Variants in RYR3 observed in about 807,000 individuals in gnomAD.
The protein encoded by RYR3 is ryanodine receptor 3.
In RYR3, 207 loss-of-function variants were observed where a neutral mutation model predicts 584.3. The ratio of observed to expected loss-of-function variants is 0.35; its 90% confidence interval spans 0.32 to 0.40. The LOEUF is 0.40. Ranked by LOEUF, RYR3 falls within the 10% of genes least tolerant of loss-of-function variation. RYR3 has a pLI of 1.00. For missense variants in RYR3, 5,616 were observed against 6,089.2 expected (o/e 0.92, Z 2.59); for synonymous variants, 2,416 against 2,248.5 (o/e 1.07, Z -2.11).
intron 38 of RYR3, among the ~76,000 whole-genome samples, chr15:33,686,010 C>A (rs1387202122): frequency 6.6e-6 from 1 of 151,484 alleles, no homozygotes; most frequent in African/African-American, 2.4e-5. Context: ...AAAATCAACA[C>A]CCTAACATCA....
intron 1 of RYR3, among the ~76,000 whole-genome samples, chr15:33,356,124 G>C (rs80243597): frequency 1.3e-5 from 2 of 152,150 alleles, no homozygotes; most frequent in South Asian, 2.1e-4. Flanking sequence ...ATGAATCTAA[G>C]TGAAGGAGCA....
At chr15:33,733,234 C>G (rs1479581899) in intron 48 of RYR3, among the ~76,000 whole-genome samples, 1 of 152,224 alleles carries the variant, frequency 6.6e-6, no homozygotes, top group African/African-American at 2.4e-5. Context: ...ATTCAACTAT[C>G]TTACTCCTTG....
chr15:33,377,156 A>G (rs1158672933), intron 1 of RYR3, among the ~76,000 whole-genome samples: 1 of 152,250 alleles, frequency 6.6e-6, no homozygotes, highest in Admixed American at 6.5e-5. Flanking sequence ...TAAATTGGGT[A>G]TTATAGGCTC....
At chr15:33,823,762 G>A (rs143256890) in intron 81 of RYR3, among the ~76,000 whole-genome samples, 43 of 152,302 alleles carry the variant, frequency 2.8e-4, no homozygotes, top group African/African-American at 1.0e-3. Flanking sequence ...TCTAAGAAAA[G>A]TGTCAGCTTA....
intron 9 of RYR3, among the ~76,000 whole-genome samples, 170 bp downstream of exon 9, chr15:33,548,374 A>G (rs902782403): frequency 7.2e-5 from 11 of 152,232 alleles, no homozygotes; most frequent in African/African-American, 2.7e-4. Context: ...ACACACACAC[A>G]CACAATCTCC....
At chr15:33,751,702 T>C (rs2071334016) in intron 57 of RYR3, among the ~76,000 whole-genome samples, 1 of 152,194 alleles carries the variant, frequency 6.6e-6, no homozygotes, top group Admixed American at 6.5e-5. Context: ...CTGATGGTAG[T>C]TTCTTTTGCT....
chr15:33,678,144 G>T (rs2064313368), intron 38 of RYR3, among the ~76,000 whole-genome samples: 1 of 152,130 alleles, frequency 6.6e-6, no homozygotes, highest in Admixed American at 6.5e-5. Flanking sequence ...CAGTAATAAA[G>T]AGTCGGACAC....
intron 2 of RYR3, among the ~76,000 whole-genome samples, chr15:33,497,273 G>A (rs544457575): frequency 5.9e-5 from 9 of 152,210 alleles, no homozygotes; most frequent in African/African-American, 2.2e-4. Flanking sequence ...TGGGCTATCT[G>A]CCAAGTTAAA....
intron 20 of RYR3, among the ~76,000 whole-genome samples, chr15:33,625,299 G>C (rs1285038681): frequency 6.6e-6 from 1 of 152,162 alleles, no homozygotes; most frequent in Admixed American, 6.5e-5. Context: ...CGACATGTGG[G>C]AATTACAATT....
chr15:33,338,760 A>G (rs1340770290), intron 1 of RYR3, among the ~76,000 whole-genome samples: 2 of 152,210 alleles, frequency 1.3e-5, no homozygotes, highest in East Asian at 1.9e-4. Flanking sequence ...ATATTCATAT[A>G]TATTTATAGA....
At chr15:33,327,498 A>G (rs1322337961) in intron 1 of RYR3, among the ~76,000 whole-genome samples, 1 of 152,208 alleles carries the variant, frequency 6.6e-6, no homozygotes, top group African/African-American at 2.4e-5. Context: ...AAAATTGGAG[A>G]ATTCAAATCA....
chr15:33,316,651 A>T (rs1237251190), intron 1 of RYR3, among the ~76,000 whole-genome samples: 1 of 152,232 alleles, frequency 6.6e-6, no homozygotes, highest in Non-Finnish European at 1.5e-5. Flanking sequence ...TTCCCACTGT[A>T]TGGAGATAGA....
At chr15:33,763,439 C>CA (rs1372693694) in intron 60 of RYR3, among the ~76,000 whole-genome samples, 2 of 151,860 alleles carry the variant, frequency 1.3e-5, no homozygotes, top group African/African-American at 4.8e-5. Flanking sequence ...ACAACCCCAT[C>CA]AAAAACGGGG....
chr15:33,405,325 G>T (rs980332573), intron 1 of RYR3, among the ~76,000 whole-genome samples: 4 of 152,110 alleles, frequency 2.6e-5, no homozygotes, highest in African/African-American at 9.7e-5. Context: ...GAGTTTAACT[G>T]GGGTGAGATG....
chr15:33,836,403 A>G (rs748385901), intron 87 of RYR3, among the ~76,000 whole-genome samples: 57 of 152,268 alleles, frequency 3.7e-4, no homozygotes, highest in Admixed American at 7.2e-4. Flanking sequence ...AATAGCCTCC[A>G]TTTTATTCCA....
chr15:33,404,672 C>A (rs1027099495), intron 1 of RYR3, among the ~76,000 whole-genome samples: 1 of 151,482 alleles, frequency 6.6e-6, no homozygotes, highest in Admixed American at 6.6e-5. Context: ...AGCTGAGAAG[C>A]ATTAACCACT....
At chr15:33,444,825 C>T (rs771699097) in intron 1 of RYR3, among the ~76,000 whole-genome samples, 18 of 151,950 alleles carry the variant, frequency 1.2e-4, no homozygotes, top group Non-Finnish European at 2.2e-4. Flanking sequence ...TTAATGGGTG[C>T]AGCACACCAA....
intron 4 of RYR3, among the ~76,000 whole-genome samples, chr15:33,531,226 G>A (rs1339841040): frequency 6.6e-6 from 1 of 152,058 alleles, no homozygotes; most frequent in Non-Finnish European, 1.5e-5. Context: ...AAGCTGCATG[G>A]CTATTACTAA....
At chr15:33,765,331 C>A (rs2072921476) in intron 60 of RYR3, among the ~76,000 whole-genome samples, 2 of 151,744 alleles carry the variant, frequency 1.3e-5, no homozygotes, top group Non-Finnish European at 2.9e-5. Flanking sequence ...AAGCTAAGAC[C>A]CTAATGAAAA....
Sources: allele counts gnomAD v4.1 joint callset (sites outside exome capture counted in the v4.1 genomes callset), GRCh38; gene constraint gnomAD v4.1.1; transcripts MANE v1.5; gene names NCBI Gene and HGNC (gene_info 2026-07-23, HGNC 2026-07-21).